JAM3: variants seen among roughly 807,000 people sequenced by gnomAD.
JAM3 encodes junctional adhesion molecule C.
A neutral mutation model predicts 39.4 loss-of-function variants in JAM3; 31 were observed. The ratio of observed to expected loss-of-function variants is 0.79; its 90% confidence interval spans 0.59 to 1.06. The LOEUF (loss-of-function observed/expected upper bound fraction) is 1.06. Among genes scored for constraint, JAM3 ranks in the 50% least tolerant of loss-of-function variants. The probability of loss-of-function intolerance (pLI) is 0.00; values close to 1 mark genes in which losing one functional copy is unlikely to be tolerated. For synonymous variants in JAM3, 182 were observed against 148.7 expected (o/e 1.22, Z -1.63); for missense variants, 455 against 391.4 (o/e 1.16, Z -1.37).
intron 1 of JAM3, among the ~76,000 whole-genome samples, chr11:134,086,603 A>T (rs961656096): frequency 2.6e-5 from 4 of 152,322 alleles, no homozygotes; most frequent in African/African-American, 9.6e-5. Context: ...AAATTCCAGC[A>T]TATTTTTAAG....
At chr11:134,124,913 G>A (rs1248141269) in intron 1 of JAM3, among the ~76,000 whole-genome samples, 1 of 152,256 alleles carries the variant, frequency 6.6e-6, no homozygotes, top group Admixed American at 6.5e-5. Context: ...GGCGAGCGGG[G>A]ACCGGGCATT....
intron 1 of JAM3, among the ~76,000 whole-genome samples, chr11:134,119,508 G>C (rs556258570): frequency 6.6e-6 from 1 of 152,202 alleles, no homozygotes; most frequent in Non-Finnish European, 1.5e-5. Flanking sequence ...GAGATAGAGA[G>C]ATAGAGATGT....
At chr11:134,133,463 T>C (rs899349454) in intron 1 of JAM3, among the ~76,000 whole-genome samples, 1 of 152,194 alleles carries the variant, frequency 6.6e-6, no homozygotes, top group African/African-American at 2.4e-5. Flanking sequence ...CTATAGAAAG[T>C]TCTTTCTATT....
At chr11:134,129,986 A>G (rs932414860) in intron 1 of JAM3, among the ~76,000 whole-genome samples, 1 of 151,672 alleles carries the variant, frequency 6.6e-6, no homozygotes, top group Non-Finnish European at 1.5e-5. Flanking sequence ...TTGGTTACAG[A>G]GTGAGATTCT....
intron 1 of JAM3, among the ~76,000 whole-genome samples, chr11:134,119,107 G>C (rs1341123382): frequency 2.7e-5 from 4 of 149,268 alleles, no homozygotes; most frequent in African/African-American, 9.9e-5. Flanking sequence ...TTTTTTTTTA[G>C]TAGAGACAGA....
chr11:134,069,648 C>T (rs1383091621), intron 1 of JAM3, among the ~76,000 whole-genome samples: 1 of 152,176 alleles, frequency 6.6e-6, no homozygotes, highest in African/African-American at 2.4e-5. Flanking sequence ...GCACGGCCCT[C>T]TGGAGGGAGC....
At chr11:134,140,208 T>TCACAC (rs1942949258) in intron 2 of JAM3, among the ~76,000 whole-genome samples, 6 of 152,138 alleles carry the variant, frequency 3.9e-5, no homozygotes, top group African/African-American at 1.4e-4. Context: ...GGCTGGAGTG[T>TCACAC]AGTGGCGCAA....
intron 1 of JAM3, among the ~76,000 whole-genome samples, chr11:134,085,091 G>A (rs1046458283): frequency 6.6e-6 from 1 of 152,170 alleles, no homozygotes; most frequent in Admixed American, 6.5e-5. Flanking sequence ...AATTTGTAGG[G>A]CCTACCGTGA....
chr11:134,125,352 A>G (rs1942626852), intron 1 of JAM3, among the ~76,000 whole-genome samples: 1 of 152,172 alleles, frequency 6.6e-6, no homozygotes, highest in African/African-American at 2.4e-5. Flanking sequence ...CTCATCCAAG[A>G]TAGGGTTTTA....
At chr11:134,143,877 C>G (rs1161568668) in intron 3 of JAM3, among the ~76,000 whole-genome samples, 1 of 152,174 alleles carries the variant, frequency 6.6e-6, no homozygotes, top group Non-Finnish European at 1.5e-5. Context: ...AAGTGGATAT[C>G]AAGTTATCTC....
intron 3 of JAM3, among the ~76,000 whole-genome samples, chr11:134,142,578 C>T (rs1397987278): frequency 6.6e-6 from 1 of 152,134 alleles, no homozygotes; most frequent in Non-Finnish European, 1.5e-5. Context: ...CCAGGTTCTT[C>T]CTGCTTCTTT....
chr11:134,095,587 C>T (rs527951836), intron 1 of JAM3, among the ~76,000 whole-genome samples: 48 of 151,072 alleles, frequency 3.2e-4, no homozygotes, highest in African/African-American at 1.1e-3. Flanking sequence ...GCCGAGATCG[C>T]GCCACTGCAC....
Position 134,076,864 on chromosome 11 carries a change from C to T in JAM3, c.76+7705C>T, listed in dbSNP as rs950414225. 3.3e-5 allele frequency among the ~76,000 whole-genome samples: 4 copies of T among 120,408 alleles called. No homozygotes were observed. The South Asian group carries it at 8.5e-4, about 26-fold the overall frequency. 79.0% of individuals were successfully genotyped at this position (120,408 alleles called of 152,430 possible). A position where few individuals can be genotyped will look rare whatever the true frequency, so the allele number is the denominator to read the frequency against. On this transcript the variant is annotated intron_variant, in intron 1 of 8. Transcript: ENST00000299106. ...TTTTTTTTTTTTTTTGAGATGGAGT[C>T]TTGCTCTGTTTCCAGGCTGGAGTGC...
At chr11:134,125,701 C>G (rs952372034) in intron 1 of JAM3, among the ~76,000 whole-genome samples, 2 of 152,154 alleles carry the variant, frequency 1.3e-5, no homozygotes, top group African/African-American at 4.8e-5. Flanking sequence ...AATGTGAGCC[C>G]CGACAATACT....
intron 1 of JAM3, among the ~76,000 whole-genome samples, chr11:134,077,422 G>GGC (rs1019184326): frequency 2.0e-5 from 3 of 149,994 alleles, no homozygotes; most frequent in African/African-American, 7.4e-5. Context: ...GGAGTGCAAT[G>GGC]GCGTGATCTC....
chr11:134,146,147 G>C, intron 6 of JAM3, 102 bp downstream of exon 6: 1 of 856,906 alleles, frequency 1.2e-6, no homozygotes, highest in Non-Finnish European at 1.9e-6. Context: ...TTCCGCCATG[G>C]GTTAGCTTTC....
At chr11:134,074,041 G>T (rs1941525011) in intron 1 of JAM3, among the ~76,000 whole-genome samples, 1 of 152,164 alleles carries the variant, frequency 6.6e-6, no homozygotes, top group African/African-American at 2.4e-5. Flanking sequence ...CAGTTACAAG[G>T]TTAAGAAGGA....
chr11:134,147,459 CA>C lies in JAM3; in HGVS notation c.713-1069del, dbSNP rs557379286. ...ACGGTGACGGAGCAAGACTCTGTCT[CA>C]AAAAAAAAAAAAAAAAAACGATTGC... On this transcript the variant is annotated intron_variant, in intron 6 of 8. Coordinates refer to ENST00000299106, the MANE Select transcript of JAM3 (RefSeq NM_032801.5). Among the ~76,000 whole-genome samples the C allele has an allele frequency of 3.1e-3, 221 of 70,868 alleles. 1 individual carries two copies. The highest frequency in any genetic ancestry group is 0.013 in the Middle Eastern group (1 of 80). 46.5% of individuals were successfully genotyped at this position (70,868 alleles called of 152,430 possible).
chr11:134,137,234 TTA>T (rs1478658014), intron 1 of JAM3, among the ~76,000 whole-genome samples: 1 of 152,198 alleles, frequency 6.6e-6, no homozygotes, highest in Admixed American at 6.5e-5. Flanking sequence ...ACAAATTGGT[TTA>T]GTTTACCTTC....
Sources: allele counts gnomAD v4.1 joint callset (sites outside exome capture counted in the v4.1 genomes callset), GRCh38; gene constraint gnomAD v4.1.1; transcripts MANE v1.5; gene names NCBI Gene and HGNC (gene_info 2026-07-23, HGNC 2026-07-21).